The following STXBP5 variants were observed in gnomAD, a reference collection of about 807,000 sequenced individuals.
STXBP5 encodes syntaxin-binding protein 5.
A neutral mutation model predicts 152.4 loss-of-function variants in STXBP5; 50 were observed. The observed-to-expected ratio is 0.33, with a 90% CI of 0.26 to 0.42. STXBP5 has a LOEUF of 0.42. Ranked by LOEUF, STXBP5 falls within the 10% of genes least tolerant of loss-of-function variation. The pLI, the probability that STXBP5 is intolerant of heterozygous loss-of-function variation, is 1.00. For missense variants in STXBP5, 1,167 were observed against 1,388.6 expected (o/e 0.84, Z 2.54); for synonymous variants, 492 against 494.7 (o/e 0.99, Z 0.07).
At position 147,313,507 on chromosome 6, in the gene STXBP5, A is replaced by G. The variant is rs149484844; in HGVS notation, c.1146-377A>G. Among the ~76,000 whole-genome samples, 240 of 152,326 alleles carry G rather than the reference A, an allele frequency of 1.6e-3. 2 individuals are homozygous for G. Among genetic ancestry groups the G allele is most frequent in the African/African-American group, 5.7e-3 (237 of 41,582 alleles). On this transcript the variant is annotated intron_variant, in intron 11 of 27. Coordinates refer to ENST00000321680, the MANE Select transcript of STXBP5 (RefSeq NM_001127715.4). ...TGGAACATTTGTTAGCTCTGCTGAC[A>G]TAAGGATGAGGTATGTGTTATTCCA... is the stretch of plus-strand genomic sequence containing the variant.
rs1441948174 is a variant in STXBP5 at position 147,245,450 on chromosome 6, A to G, written c.431+6180A>G. On this transcript the variant is annotated intron_variant, in intron 4 of 27. Transcript: ENST00000321680. ...AGCTCAGGGATTTGTCTGCTGTATA[A>G]TTTTTATCACAGGGACAAATTTGCC... Among the ~76,000 whole-genome samples, 8 of 152,260 alleles carry G rather than the reference A, an allele frequency of 5.3e-5. No homozygotes were observed. In the East Asian group the frequency reaches 1.5e-3, roughly 29 times the overall value.
rs964613609 is a variant in STXBP5 at position 147,357,443 on chromosome 6, A to G, written c.2306-1641A>G. On this transcript the variant is annotated intron_variant, in intron 22 of 27. Transcript: ENST00000321680. ...ATAAGGCCAGGAGGGTAGATTAAAG[A>G]TATTTTGTGAAGAGTCTTAAAAACT... Among the ~76,000 whole-genome samples the G allele has an allele frequency of 2.8e-4, 43 of 152,158 alleles. 1 individual carries two copies. The highest frequency in any genetic ancestry group is 2.9e-5 in the Non-Finnish European group (2 of 68,038).
At chr6:147,362,277 AAAT>A (rs759728620) in intron 23 of STXBP5, among the ~76,000 whole-genome samples, 2 of 152,184 alleles carry the variant, frequency 1.3e-5, no homozygotes, top group African/African-American at 4.8e-5. Flanking sequence ...AAATAAAAGA[AAAT>A]AATATGTGGA....
At chr6:147,218,367 TTAAG>T (rs1391883290) in intron 2 of STXBP5, among the ~76,000 whole-genome samples, 9 of 134,922 alleles carry the variant, frequency 6.7e-5, no homozygotes, top group African/African-American at 8.3e-5. Flanking sequence ...AGATTTATAT[TTAAG>T]TATTTCATTT....
intron 19 of STXBP5, among the ~76,000 whole-genome samples, chr6:147,335,748 C>G (rs1783793469): frequency 6.6e-6 from 1 of 151,978 alleles, no homozygotes; most frequent in African/African-American, 2.4e-5. Flanking sequence ...CTGCAGTGAG[C>G]CGAGATCGCG....
chr6:147,258,179 A>G (rs760075838), intron 4 of STXBP5, among the ~76,000 whole-genome samples: 7 of 152,212 alleles, frequency 4.6e-5, no homozygotes, highest in Admixed American at 6.5e-5. Flanking sequence ...TCCTAGAGTC[A>G]GTGTGGGAGG....
At chr6:147,303,356 C>G (rs184008704) in intron 9 of STXBP5, among the ~76,000 whole-genome samples, 1 of 152,118 alleles carries the variant, frequency 6.6e-6, no homozygotes, top group Non-Finnish European at 1.5e-5. Context: ...TTGCTCGGCT[C>G]TCTGTCATGT....
chr6:147,212,446 A>G (rs911448362), intron 2 of STXBP5, among the ~76,000 whole-genome samples: 2 of 152,354 alleles, frequency 1.3e-5, no homozygotes, highest in Non-Finnish European at 1.5e-5. Flanking sequence ...TCTTGTTCCA[A>G]TAATCTTCAG....
intron 8 of STXBP5, among the ~76,000 whole-genome samples, chr6:147,284,016 G>A (rs1780830795): frequency 6.6e-6 from 1 of 152,098 alleles, no homozygotes; most frequent in African/African-American, 2.4e-5. Flanking sequence ...AAAGAAACAG[G>A]TAAAACTAAT....
At chr6:147,335,692 CGGGA>C (rs1783790406) in intron 19 of STXBP5, among the ~76,000 whole-genome samples, 1 of 151,866 alleles carries the variant, frequency 6.6e-6, no homozygotes, top group Non-Finnish European at 1.5e-5. Flanking sequence ...CCCAGCTACT[CGGGA>C]GGCTGAGGCA....
At chr6:147,258,445 T>C (rs2115326659) in intron 4 of STXBP5, among the ~76,000 whole-genome samples, 1 of 152,172 alleles carries the variant, frequency 6.6e-6, no homozygotes, top group South Asian at 2.1e-4. Context: ...TTGTTTTTTG[T>C]TTTTTTGAGA....
chr6:147,346,676 GT>G (rs1438885717), intron 21 of STXBP5, among the ~76,000 whole-genome samples: 1 of 151,974 alleles, frequency 6.6e-6, no homozygotes, highest in African/African-American at 2.4e-5. Flanking sequence ...GGCGGCGGAG[GT>G]TGCAGTGAGC....
intron 22 of STXBP5, among the ~76,000 whole-genome samples, chr6:147,358,872 G>C (rs913914070): frequency 2.6e-5 from 4 of 152,120 alleles, no homozygotes; most frequent in Admixed American, 2.6e-4. Flanking sequence ...TGTCTCAGGG[G>C]TAGCAGAGGT....
intron 3 of STXBP5, among the ~76,000 whole-genome samples, chr6:147,238,215 T>C (rs1347242985): frequency 6.6e-6 from 1 of 152,198 alleles, no homozygotes; most frequent in Non-Finnish European, 1.5e-5. Context: ...TGCATCTGGC[T>C]GACTTCTGGT....
At chr6:147,239,048 G>A (rs1304233980) in intron 3 of STXBP5, 122 bp from the exon 4 acceptor site, 1 of 793,802 alleles carries the variant, frequency 1.3e-6, no homozygotes, top group South Asian at 2.2e-5. Flanking sequence ...ATGTTTCTTA[G>A]ATCTAAATCT....
At chr6:147,243,705 G>A (rs1778659456) in intron 4 of STXBP5, among the ~76,000 whole-genome samples, 1 of 151,952 alleles carries the variant, frequency 6.6e-6, no homozygotes, top group Admixed American at 6.6e-5. Flanking sequence ...AAGTTTTAGA[G>A]TTTTGCATTT....
intron 22 of STXBP5, among the ~76,000 whole-genome samples, chr6:147,356,303 A>C (rs966208878): frequency 3.3e-5 from 5 of 151,932 alleles, no homozygotes; most frequent in Non-Finnish European, 5.9e-5. Context: ...TACTTTTTTC[A>C]TATCATTGTT....
At chr6:147,214,156 C>G (rs1039364260) in intron 2 of STXBP5, among the ~76,000 whole-genome samples, 1 of 152,108 alleles carries the variant, frequency 6.6e-6, no homozygotes, top group Non-Finnish European at 1.5e-5. Context: ...TTATTTTGCA[C>G]TTTAATTTGA....
chr6:147,370,540 A>G (rs1043122513), intron 25 of STXBP5, among the ~76,000 whole-genome samples: 1 of 152,120 alleles, frequency 6.6e-6, no homozygotes, highest in Non-Finnish European at 1.5e-5. Context: ...ACTGTACCAT[A>G]GTGAAAAACA....
Sources: allele counts gnomAD v4.1 joint callset (sites outside exome capture counted in the v4.1 genomes callset), GRCh38; gene constraint gnomAD v4.1.1; transcripts MANE v1.5; gene names NCBI Gene and HGNC (gene_info 2026-07-23, HGNC 2026-07-21).